Variants in RSRC1 observed in about 807,000 individuals in gnomAD.
RSRC1 encodes arginine and serine rich coiled-coil 1, also known as serine/Arginine-related protein 53.
RSRC1 carries 39 observed loss-of-function variants against 49.1 expected under a neutral mutation model. The observed-to-expected ratio is 0.79, with a 90% CI of 0.61 to 1.04. RSRC1 has a LOEUF of 1.04. Among genes scored for constraint, RSRC1 ranks in the 50% least tolerant of loss-of-function variants. The pLI, the probability that RSRC1 is intolerant of heterozygous loss-of-function variation, is 0.00. For synonymous variants in RSRC1, 143 were observed against 130.8 expected, an observed-to-expected ratio of 1.09 and a Z score of -0.63; for missense variants, 388 against 402.4, an observed-to-expected ratio of 0.96 and a Z score of 0.31.
At chr3:158,110,278 G>A (rs191149794) in intron 1 of RSRC1, 55 bp downstream of exon 1, 1 of 152,594 alleles carries the variant, frequency 6.6e-6, no homozygotes, top group East Asian at 1.9e-4. Context: ...GGAGCTCCGA[G>A]GCCCTGATCC....
chr3:158,175,520 C>T (rs1007075628), intron 3 of RSRC1, among the ~76,000 whole-genome samples: 1 of 151,906 alleles, frequency 6.6e-6, no homozygotes, highest in Non-Finnish European at 1.5e-5. Flanking sequence ...CCCATTACTA[C>T]TTATTGAAAA....
chr3:158,460,458 T>C (rs922282392), intron 6 of RSRC1, among the ~76,000 whole-genome samples: 7 of 151,830 alleles, frequency 4.6e-5, no homozygotes, highest in Admixed American at 2.6e-4. Flanking sequence ...AATGCTGTCA[T>C]AACATGAATA....
At chr3:158,228,561 C>T (rs1028056260) in intron 4 of RSRC1, among the ~76,000 whole-genome samples, 15 of 151,730 alleles carry the variant, frequency 9.9e-5, no homozygotes, top group African/African-American at 2.9e-4. Context: ...TACCTGAATT[C>T]GACTATCATT....
At chr3:158,169,274 A>C (rs1420118795) in intron 3 of RSRC1, among the ~76,000 whole-genome samples, 1 of 152,178 alleles carries the variant, frequency 6.6e-6, no homozygotes, top group African/African-American at 2.4e-5. Flanking sequence ...GTTTTTGAGC[A>C]TGAGTCCCAG....
At chr3:158,147,102 C>CTTTTTTTTTTTTTTTTTTTTTTTTTT (rs35460810) in intron 3 of RSRC1, among the ~76,000 whole-genome samples, 4 of 34,738 alleles carry the variant, frequency 1.2e-4, no homozygotes, top group Admixed American at 5.1e-4. Flanking sequence ...GCTTTTCTGC[C>CTTTTTTTTTTTTTTTTTTTTTTTTTT]TTTTTTTTTT....
chr3:158,349,886 C>CA (rs1730771297), intron 5 of RSRC1, among the ~76,000 whole-genome samples: 1 of 151,130 alleles, frequency 6.6e-6, no homozygotes, highest in African/African-American at 2.4e-5. Context: ...TTAGTAAAGA[C>CA]AGAGTTTCAC....
At chr3:158,543,785 G>A (rs1713175544) in intron 9 of RSRC1, 1 of 311,858 alleles carries the variant, frequency 3.2e-6, no homozygotes, top group Admixed American at 4.8e-5. Flanking sequence ...TCAGCACCAT[G>A]AGAAGTGTTT....
intron 7 of RSRC1, among the ~76,000 whole-genome samples, chr3:158,516,993 G>T (rs956467694): frequency 6.6e-6 from 1 of 152,178 alleles, no homozygotes; most frequent in Non-Finnish European, 1.5e-5. Flanking sequence ...TATGCCCACT[G>T]TCTGGCACTC....
At chr3:158,343,724 A>C (rs1385713103) in intron 5 of RSRC1, among the ~76,000 whole-genome samples, 1 of 152,170 alleles carries the variant, frequency 6.6e-6, no homozygotes, top group Non-Finnish European at 1.5e-5. Flanking sequence ...ATTGTAGAAA[A>C]TGGATTAGTG....
chr3:158,227,044 T>A (rs894350134), intron 4 of RSRC1, among the ~76,000 whole-genome samples: 1 of 151,868 alleles, frequency 6.6e-6, no homozygotes, highest in African/African-American at 2.4e-5. Context: ...GTAAGAAAAT[T>A]AAATACTAAG....
intron 6 of RSRC1, among the ~76,000 whole-genome samples, chr3:158,394,877 C>G (rs548131442): frequency 2.0e-5 from 3 of 152,010 alleles, no homozygotes; most frequent in African/African-American, 2.4e-5. Context: ...CCCAAATAGC[C>G]AAAGCAATCC....
intron 7 of RSRC1, among the ~76,000 whole-genome samples, chr3:158,468,311 C>G (rs1737980821): frequency 6.6e-6 from 1 of 152,158 alleles, no homozygotes; most frequent in Admixed American, 6.5e-5. Flanking sequence ...AAAGCCTATA[C>G]CACTTACCAT....
At chr3:158,461,451 T>G (rs1216381585) in intron 7 of RSRC1, among the ~76,000 whole-genome samples, 1 of 151,886 alleles carries the variant, frequency 6.6e-6, no homozygotes, top group Admixed American at 6.6e-5. Context: ...ATGTCTTCAT[T>G]TTTAAAGATA....
chr3:158,490,375 C>T (rs543534184), intron 7 of RSRC1, among the ~76,000 whole-genome samples: 12 of 152,330 alleles, frequency 7.9e-5, no homozygotes, highest in Admixed American at 2.0e-4. Flanking sequence ...TGAGCCACCA[C>T]GCCGGGCCCC....
chr3:158,320,251 C>G (rs116332605), intron 5 of RSRC1, among the ~76,000 whole-genome samples: 3 of 152,074 alleles, frequency 2.0e-5, no homozygotes, highest in Non-Finnish European at 4.4e-5. Flanking sequence ...ATATCAGGGA[C>G]GGAGATCTGG....
chr3:158,257,369 C>T (rs761290613), intron 4 of RSRC1, among the ~76,000 whole-genome samples: 3 of 152,010 alleles, frequency 2.0e-5, no homozygotes, highest in East Asian at 1.9e-4. Context: ...TATCCTTTTG[C>T]GGTATTGACC....
chr3:158,254,607 A>G (rs891143814), intron 4 of RSRC1, among the ~76,000 whole-genome samples: 1 of 151,488 alleles, frequency 6.6e-6, no homozygotes, highest in Non-Finnish European at 1.5e-5. Flanking sequence ...AATTTTTTGT[A>G]TTTTTTAGTA....
intron 3 of RSRC1, among the ~76,000 whole-genome samples, chr3:158,175,615 ATT>A (rs1719159313): frequency 1.3e-5 from 2 of 151,892 alleles, no homozygotes; most frequent in African/African-American, 4.8e-5. Context: ...TGGATTCTCT[ATT>A]GTCTTTCATT....
chr3:158,374,870 A>G (rs1031231706), intron 6 of RSRC1, among the ~76,000 whole-genome samples: 1 of 152,148 alleles, frequency 6.6e-6, no homozygotes, highest in Non-Finnish European at 1.5e-5. Flanking sequence ...GTTAAAACCT[A>G]TAAATTCCTT....
Sources: allele counts gnomAD v4.1 joint callset (sites outside exome capture counted in the v4.1 genomes callset), GRCh38; gene constraint gnomAD v4.1.1; transcripts MANE v1.5; gene names NCBI Gene and HGNC (gene_info 2026-07-23, HGNC 2026-07-21).